Variants in FCHSD1 observed in about 807,000 individuals in gnomAD.
FCHSD1 encodes the protein FCH and double SH3 domains 1, also known as F-BAR and double SH3 domains protein 1.
A neutral mutation model predicts 101.3 loss-of-function variants in FCHSD1; 109 were observed. The ratio of observed to expected loss-of-function variants is 1.08; its 90% CI spans 0.92 to 1.26. FCHSD1 has a LOEUF of 1.26. Among genes scored for constraint, FCHSD1 ranks in the 50% most tolerant of loss-of-function variants. The pLI is 0.00. For synonymous variants in FCHSD1, 291 were observed against 356.8 expected, an observed-to-expected ratio of 0.82 and a Z score of 2.08; for missense variants, 820 against 895.8, an observed-to-expected ratio of 0.92 and a Z score of 1.08.
In FCHSD1 at chr5:141,640,507, T is replaced by C; in HGVS notation, c.*991A>G. On this transcript the variant is annotated 3_prime_UTR_variant, in exon 20 of 20. Transcript: ENST00000435817. Reference sequence around the variant, plus strand: ...CTTCCCATCACCTACTTAAACTATTTAAGCCTTTCGGCTCCCTGAACCCCC... The same window carrying C: ...CTTCCCATCACCTACTTAAACTATTCAAGCCTTTCGGCTCCCTGAACCCCC... 5.0e-6 allele frequency: 8 copies of C among 1,613,382 alleles called. No individual in the cohort carries two copies.
chr5:141,641,121 A>T lies in FCHSD1; in HGVS notation c.*377T>A, dbSNP rs1376198664. ...ATTCCCAAGGCCTGTTCCTCTCCCC[A>T]GCCCAACCCCAGTGACCCTGGCATC... On this transcript the variant is annotated 3_prime_UTR_variant, in exon 20 of 20. Coordinates refer to ENST00000435817, the MANE Select transcript of FCHSD1 (RefSeq NM_033449.3). 1 of 304,394 alleles carries T rather than the reference A, an allele frequency of 3.3e-6. No individual in the cohort carries two copies. Among genetic ancestry groups the T allele is most frequent in the East Asian group, 5.6e-5 (1 of 17,892 alleles). The allele number at this position is 304,394 out of a possible 1,614,324, so 18.9% of individuals were successfully genotyped here. A position where few individuals can be genotyped will look rare whatever the true frequency, so the allele number is the denominator to read the frequency against.
rs760750187 is a variant in FCHSD1 at position 141,644,572 on chromosome 5, C to T, written c.1642+1G>A. 9 of 1,613,898 alleles carry T rather than the reference C, an allele frequency of 5.6e-6. No homozygotes were observed. In the South Asian group the frequency reaches 9.9e-5, roughly 18 times the overall value. On this transcript the variant is annotated splice_donor_variant, in intron 16 of 19. Coordinates refer to ENST00000435817, the MANE Select transcript of FCHSD1 (RefSeq NM_033449.3). LOFTEE classifies it high-confidence loss of function. Reference sequence around the variant, plus strand: ...TCTAACCCAAAATTTCCCTTTCTTACCTGTGGGCTCTGCCCCGCAGGGATT... The same window carrying T: ...TCTAACCCAAAATTTCCCTTTCTTATCTGTGGGCTCTGCCCCGCAGGGATT...
chr5:141,647,273 C>G, intron 9 of FCHSD1, 43 bp from the exon 10 acceptor site: 2 of 1,578,246 alleles, frequency 1.3e-6, no homozygotes, highest in Non-Finnish European at 1.7e-6. Flanking sequence ...CACTGACTCA[C>G]TCTCCAACCC....
In FCHSD1 at chr5:141,649,259, C is replaced by T. The variant is rs778704986; in HGVS notation, c.425G>A (p.Arg142Gln). 6.5e-5 allele frequency: 105 copies of T among 1,613,888 alleles called. 1 individual carries two copies. Among genetic ancestry groups the T allele is most frequent in the Admixed American group, 3.5e-4 (21 of 60,010 alleles). The change falls in exon 6 of 20, where the codon CGG becomes CAG. Residue 142 changes from arginine to glutamine, a missense_variant. Transcript: ENST00000435817. This position sits in a 1 kb window ranked among gnomAD's most constrained non-coding sequence, Gnocchi z 4.1. ...CAGCTTCCGACTTCGGCTCAGCTCC[C>T]GGACAGACTGCAGCACCTCAGCCTG... is the stretch of plus-strand genomic sequence containing the variant. The part of the protein sequence containing the change: ...RAQAEVLQSV[R>Q]ELSRSRKLYG...
rs1360215042 is a variant in FCHSD1 at position 141,650,360 on chromosome 5, T to A, written c.164A>T (p.Gln55Leu). The A allele has an allele frequency of 6.2e-7, 1 of 1,613,958 alleles. No individual in the cohort carries two copies. The highest frequency in any genetic ancestry group is 2.2e-5 in the East Asian group (1 of 44,872). The change falls in exon 3 of 20, where the codon CAG becomes CTG. Residue 55 changes from glutamine (Q) to leucine (L), a missense_variant and splice_region_variant. Physicochemically the swap from Gln to Leu is moderately radical, Grantham distance 113. Transcript: ENST00000435817. ...QRAAIEREYG[Q>L]ALQKLAGPFL... is the part of the protein sequence containing the mutation. The stretch of plus-strand genomic sequence containing the variant: ...AAGGTCCAGAGAAAAGTCCCATACC[T>A]GCCCATACTCCCGTTCAATGGCTGC...
intron 8 of FCHSD1, 194 bp from the exon 9 acceptor site, chr5:141,647,714 C>A (rs1295795276): frequency 8.1e-6 from 8 of 987,978 alleles, no homozygotes; most frequent in Non-Finnish European, 1.2e-5. Flanking sequence ...CTCCTTTGAG[C>A]CCCACTAGTG....
At chr5:141,646,399 G>C in intron 11 of FCHSD1, 4 of 976,242 alleles carry the variant, frequency 4.1e-6, no homozygotes, top group Non-Finnish European at 6.0e-6. Context: ...TACAGAACTA[G>C]GAAGCAACAG....
chr5:141,648,167 C>T, intron 7 of FCHSD1, 71 bp from the exon 8 acceptor site: 1 of 1,508,624 alleles, frequency 6.6e-7, no homozygotes, highest in Non-Finnish European at 8.9e-7. Context: ...ATTGAGAAGC[C>T]AGATCCAGAA....
intron 18 of FCHSD1, chr5:141,642,334 C>G (rs1179324015): frequency 3.1e-6 from 2 of 650,614 alleles, no homozygotes; most frequent in Non-Finnish European, 5.4e-6. Context: ...AAATAACAGA[C>G]TCCCAGGACT....
Position 141,649,122 on chromosome 5 carries a change from C to T in FCHSD1, c.512+50G>A, listed in dbSNP as rs1306151370. The T allele has an allele frequency of 1.9e-6, 3 of 1,613,618 alleles. No homozygotes were observed. The highest frequency in any genetic ancestry group is 2.7e-5 in the African/African-American group (2 of 74,892). On this transcript the variant is annotated intron_variant, in intron 6 of 19. Coordinates refer to ENST00000435817, the MANE Select transcript of FCHSD1 (RefSeq NM_033449.3). The surrounding 1 kb of genome is among the most constrained non-coding windows in gnomAD (Gnocchi z 4.1). Reference sequence around the variant, plus strand: ...GACTTGGCTCCACCCCTAGACAGCCCCACCTCCCTGTTCCCCAACCTTGGG... The same window carrying T: ...GACTTGGCTCCACCCCTAGACAGCCTCACCTCCCTGTTCCCCAACCTTGGG...
At chr5:141,646,375 C>T (rs1400330508) in intron 11 of FCHSD1, 184 bp from the exon 12 acceptor site, 1 of 923,642 alleles carries the variant, frequency 1.1e-6, no homozygotes, top group African/African-American at 1.6e-5. Flanking sequence ...TTAAGTCACT[C>T]CCTTACCTGG....
At position 141,649,333 on chromosome 5, in the gene FCHSD1, C is replaced by G; in HGVS notation, c.376-25G>C. ...CCTATTGGGATGCATACACAAAGTC[C>G]TTACCTAGACCACCTTTGGTCCCAA... On this transcript the variant is annotated intron_variant, in intron 5 of 19. Coordinates refer to ENST00000435817, the MANE Select transcript of FCHSD1 (RefSeq NM_033449.3). This position sits in a 1 kb window ranked among gnomAD's most constrained non-coding sequence, Gnocchi z 4.1. 1 of 1,613,984 alleles carries G rather than the reference C, an allele frequency of 6.2e-7. No homozygotes were observed.
At chr5:141,643,420 A>G (rs576376834) in intron 17 of FCHSD1, among the ~76,000 whole-genome samples, 280 of 152,318 alleles carry the variant, frequency 1.8e-3, no homozygotes, top group Non-Finnish European at 3.2e-3. Context: ...CAAAATCACG[A>G]AGCCAGTTAT....
Position 141,641,513 on chromosome 5 carries a change from T to C in FCHSD1, c.2058A>G (p.Pro686=). The change falls in exon 20 of 20, where the codon CCA becomes CCG. Residue 686 remains proline (P), a synonymous_variant. Transcript: ENST00000435817. Reference sequence around the variant, plus strand: ...TCCCTGGCCTTCAGGTGAGGGGATCTGGGTGGCCAGGATCCGGGGCTTTAG... The same window carrying C: ...TCCCTGGCCTTCAGGTGAGGGGATCCGGGTGGCCAGGATCCGGGGCTTTAG... The part of the protein sequence containing the change: ...PPAKAPDPGH[P]DPLT 4 of 1,504,876 alleles carry C rather than the reference T, an allele frequency of 2.7e-6. No individual in the cohort carries two copies. The highest frequency in any genetic ancestry group is 3.5e-6 in the Non-Finnish European group (4 of 1,127,236). The allele number at this position is 1,504,876 out of a possible 1,614,324, so 93.2% of individuals were successfully genotyped here. A position where few individuals can be genotyped will look rare whatever the true frequency, so the allele number is the denominator to read the frequency against.
chr5:141,646,232 G>T, intron 11 of FCHSD1, 41 bp from the exon 12 acceptor site: 1 of 1,521,058 alleles, frequency 6.6e-7, no homozygotes. Context: ...TGGAAATACT[G>T]TGGGGCATGA....
intron 18 of FCHSD1, 137 bp downstream of exon 18, chr5:141,642,864 C>A: frequency 1.3e-6 from 1 of 786,096 alleles, no homozygotes. Context: ...CAGCCTGGCT[C>A]CAGAGCCCAG....
chr5:141,644,443 A>G lies in FCHSD1; in HGVS notation c.1643-5T>C, dbSNP rs2099907400. The G allele has an allele frequency of 1.2e-6, 2 of 1,613,418 alleles. No individual in the cohort carries two copies. The highest frequency in any genetic ancestry group is 1.7e-6 in the Non-Finnish European group (2 of 1,179,638). ...ACAGGGCCTGTGCCAGGAATGCTAC[A>G]GAGGCCCAGGAGAGACGGTGAGAGG... On this transcript the variant is annotated splice_polypyrimidine_tract_variant and splice_region_variant and intron_variant, in intron 16 of 19. Transcript: ENST00000435817.
chr5:141,639,848 C>A lies in FCHSD1; in HGVS notation c.*1650G>T. The A allele has an allele frequency of 6.6e-7, 1 of 1,524,976 alleles. No homozygotes were observed. Among genetic ancestry groups the A allele is most frequent in the Non-Finnish European group, 9.1e-7 (1 of 1,104,008 alleles). The allele number at this position is 1,524,976 out of a possible 1,614,324, so 94.5% of individuals were successfully genotyped here. On this transcript the variant is annotated 3_prime_UTR_variant, in exon 20 of 20. Transcript: ENST00000435817. The surrounding 1 kb of genome is among the most constrained non-coding windows in gnomAD (Gnocchi z 4.4). ...GAAGTAGCCACCAAACTCAGGATGT[C>A]CCTGGTCAGAGGGGAGGGCCAAGCA...
intron 18 of FCHSD1, 166 bp downstream of exon 18, chr5:141,642,835 G>A (rs908232849): frequency 1.8e-5 from 11 of 614,730 alleles, no homozygotes; most frequent in Non-Finnish European, 3.1e-5. Flanking sequence ...GGAGATGACA[G>A]AGCGGGACCT....
Sources: allele counts gnomAD v4.1 joint callset (sites outside exome capture counted in the v4.1 genomes callset), GRCh38; gene constraint gnomAD v4.1.1; non-coding constraint Gnocchi (gnomAD v3.1); transcripts MANE v1.5; gene names NCBI Gene and HGNC (gene_info 2026-07-23, HGNC 2026-07-21).